The following RERE variants were observed in gnomAD, a reference collection of about 807,000 sequenced individuals.
RERE encodes the protein arginine-glutamic acid dipeptide repeats.
In RERE, 40 loss-of-function variants were observed where a neutral mutation model predicts 146.1. The observed-to-expected ratio is 0.27, with a 90% confidence interval of 0.21 to 0.36. The LOEUF is 0.36. RERE is among the 10% of genes least tolerant of loss of function. RERE has a pLI of 1.00. For synonymous variants in RERE, 1,003 were observed against 866.0 expected (o/e 1.16, Z -2.78); for missense variants, 1,933 against 2,138.7 (o/e 0.90, Z 1.90).
At chr1:8,814,409 C>T (rs1355865645) in intron 1 of RERE, among the ~76,000 whole-genome samples, 1 of 152,196 alleles carries the variant, frequency 6.6e-6, no homozygotes, top group Non-Finnish European at 1.5e-5. Context: ...AACAATTTGA[C>T]CCTCTTCTAT....
At chr1:8,488,272 T>C (rs1364326282) in intron 10 of RERE, among the ~76,000 whole-genome samples, 2 of 151,938 alleles carry the variant, frequency 1.3e-5, no homozygotes, top group Non-Finnish European at 2.9e-5. Flanking sequence ...TGAGACAGAG[T>C]TTCACTCTTG....
chr1:8,643,849 A>G (rs1160872282), intron 2 of RERE, among the ~76,000 whole-genome samples: 1 of 152,234 alleles, frequency 6.6e-6, no homozygotes, highest in East Asian at 1.9e-4. Context: ...CTGATGCAAC[A>G]GCCAGAGTGA....
Position 8,738,922 on chromosome 1 carries a change from T to G in RERE, c.-145+78238A>C, listed in dbSNP as rs559253440. Among the ~76,000 whole-genome samples, 218 of 152,250 alleles carry G rather than the reference T, an allele frequency of 1.4e-3. 1 individual carries two copies. Among genetic ancestry groups the G allele is most frequent in the Non-Finnish European group, 2.7e-3 (185 of 68,032 alleles). On this transcript the variant is annotated intron_variant, in intron 1 of 22. Coordinates refer to ENST00000400908, the MANE Select transcript of RERE (RefSeq NM_001042681.2). ...TTCCAAACCCATATAGGACAGGCAC[T>G]TGGATATCTGAGTGTTCTGCACTTA...
At chr1:8,661,024 A>C (rs1638444441) in intron 1 of RERE, among the ~76,000 whole-genome samples, 1 of 152,178 alleles carries the variant, frequency 6.6e-6, no homozygotes, top group African/African-American at 2.4e-5. Context: ...GTGGAGAGAG[A>C]CCACCAACAA....
chr1:8,790,274 A>C (rs906218534), intron 1 of RERE, among the ~76,000 whole-genome samples: 3 of 151,978 alleles, frequency 2.0e-5, no homozygotes, highest in Non-Finnish European at 2.9e-5. Context: ...ACACCCCCCC[A>C]AAAAAAATTA....
rs557611885 is a variant in RERE, at chr1:8,742,282, T to C, written c.-145+74878A>G. 2.0e-4 allele frequency among the ~76,000 whole-genome samples: 30 copies of C among 152,294 alleles called. No homozygotes were observed. The South Asian group carries it at 6.0e-3, about 31-fold the overall frequency. On this transcript the variant is annotated intron_variant, in intron 1 of 22. Coordinates refer to ENST00000400908, the MANE Select transcript of RERE (RefSeq NM_001042681.2). ...CAGTCTTCTAAAGCACTCTGACCCA[T>C]ATGAAATAAAAACTAGGTCCTCTCT...
At chr1:8,556,335 C>A (rs151259852) in intron 6 of RERE, 140 bp downstream of exon 6, 1 of 562,230 alleles carries the variant, frequency 1.8e-6, no homozygotes, top group South Asian at 2.8e-5. Context: ...CAATCCAGAG[C>A]GGACACTGGC....
intron 1 of RERE, among the ~76,000 whole-genome samples, chr1:8,752,504 T>A (rs1238211441): frequency 6.6e-6 from 1 of 152,190 alleles, no homozygotes; most frequent in Admixed American, 6.5e-5. Flanking sequence ...GAAGTGGTAA[T>A]TCAGAAAAGT....
At chr1:8,530,252 C>A (rs1034319943) in intron 7 of RERE, among the ~76,000 whole-genome samples, 1 of 152,102 alleles carries the variant, frequency 6.6e-6, no homozygotes, top group Non-Finnish European at 1.5e-5. Flanking sequence ...TCTGAATAGA[C>A]TAAATGAGAG....
chr1:8,572,360 A>G (rs888471503), intron 4 of RERE, among the ~76,000 whole-genome samples: 9 of 152,212 alleles, frequency 5.9e-5, no homozygotes, highest in African/African-American at 2.2e-4. Flanking sequence ...ATTTTAGCAC[A>G]CAGAGAAGTT....
chr1:8,465,808 G>C (rs755453477), intron 11 of RERE, 117 bp downstream of exon 11: 1 of 824,046 alleles, frequency 1.2e-6, no homozygotes, highest in Admixed American at 1.9e-5. Flanking sequence ...CGCTGCCACG[G>C]ACAGCCATTC....
At chr1:8,555,622 T>G (rs1645998399) in intron 6 of RERE, among the ~76,000 whole-genome samples, 1 of 152,118 alleles carries the variant, frequency 6.6e-6, no homozygotes, top group Non-Finnish European at 1.5e-5. Flanking sequence ...AAAAAAAAAG[T>G]AGTCTTTCAC....
intron 11 of RERE, chr1:8,428,640 A>G (rs1644050371): frequency 6.6e-6 from 1 of 152,138 alleles, no homozygotes; most frequent in African/African-American, 2.4e-5. Context: ...TAGAACCTGG[A>G]AAGCTCTGTT....
intron 11 of RERE, among the ~76,000 whole-genome samples, chr1:8,426,855 C>T (rs921621034): frequency 9.9e-5 from 15 of 152,282 alleles, no homozygotes; most frequent in African/African-American, 3.1e-4. Context: ...ATCTCTCCTA[C>T]TCCCAAATGA....
intron 7 of RERE, among the ~76,000 whole-genome samples, chr1:8,522,042 T>C (rs1645508622): frequency 6.6e-6 from 1 of 152,248 alleles, no homozygotes; most frequent in East Asian, 1.9e-4. Context: ...GTATACAATA[T>C]GAGATCAGTT....
chr1:8,613,859 A>C (rs185715967), intron 4 of RERE, among the ~76,000 whole-genome samples: 19 of 152,230 alleles, frequency 1.2e-4, no homozygotes, highest in African/African-American at 4.3e-4. Flanking sequence ...AAAAAAAAGG[A>C]AGACAAGTGT....
At chr1:8,794,375 A>T (rs1408141463) in intron 1 of RERE, among the ~76,000 whole-genome samples, 1 of 150,776 alleles carries the variant, frequency 6.6e-6, no homozygotes, top group Non-Finnish European at 1.5e-5. Flanking sequence ...AAAAAAAAAA[A>T]AAAAAAGCCT....
chr1:8,803,316 A>C (rs1641621627), intron 1 of RERE, among the ~76,000 whole-genome samples: 1 of 151,886 alleles, frequency 6.6e-6, no homozygotes. Flanking sequence ...AAAAATACAA[A>C]AATCAGCTGG....
chr1:8,715,522 A>G (rs1639748049), intron 1 of RERE, among the ~76,000 whole-genome samples: 1 of 152,068 alleles, frequency 6.6e-6, no homozygotes, highest in African/African-American at 2.4e-5. Flanking sequence ...AATAATAATA[A>G]TAATATAAAC....
Sources: allele counts gnomAD v4.1 joint callset (sites outside exome capture counted in the v4.1 genomes callset), GRCh38; gene constraint gnomAD v4.1.1; transcripts MANE v1.5; gene names NCBI Gene and HGNC (gene_info 2026-07-23, HGNC 2026-07-21).